The following OPLAH variants were observed in gnomAD, a reference collection of about 807,000 sequenced individuals.
OPLAH encodes the protein 5-oxoprolinase, ATP-hydrolysing.
Under a neutral mutation model 122.8 loss-of-function variants are expected in OPLAH, and 103 were observed. That is an observed-to-expected ratio of 0.84 (90% CI 0.71 to 0.99). OPLAH has a LOEUF of 0.99. OPLAH is among the 50% of genes least tolerant of loss of function. The pLI, the probability that OPLAH is intolerant of heterozygous loss-of-function variation, is 0.00. For missense variants in OPLAH, 1,902 were observed against 1,836.5 expected, an observed-to-expected ratio of 1.04 and a Z score of -0.65; for synonymous variants, 875 against 796.0, an observed-to-expected ratio of 1.10 and a Z score of -1.67.
At chr8:144,060,503 C>T (rs1835641957) in intron 1 of OPLAH, 150 bp downstream of exon 1, 1 of 161,160 alleles carries the variant, frequency 6.2e-6, no homozygotes, top group Non-Finnish European at 1.4e-5. Context: ...GGCCCCGGGA[C>T]AGGACGGAGC....
At position 144,056,176 on chromosome 8, in the gene OPLAH, A is replaced by G. The variant is rs782791153; in HGVS notation, c.2067T>C (p.His689=). 2 of 1,610,662 alleles carry G rather than the reference A, an allele frequency of 1.2e-6. No individual in the cohort carries two copies. Among genetic ancestry groups the G allele is most frequent in the Admixed American group, 3.3e-5 (2 of 59,998 alleles). Residue 689 remains histidine (H), a synonymous_variant, in exon 15 of 27, where the codon CAT becomes CAC. Transcript: ENST00000618853. ...LAELGYGHKL[H]GPCLIIDSNS... is the part of the protein sequence containing the mutation. ...TACTGTCGATGATGAGGCAGGGCCC[A>G]TGGAGCTTGTGCCCATAGCCCAGCT... is the stretch of plus-strand genomic sequence containing the variant.
At position 144,054,975 on chromosome 8, in the gene OPLAH, G is replaced by T. The variant is rs1464272460; in HGVS notation, c.2409+54C>A. 5.5e-5 allele frequency: 59 copies of T among 1,063,832 alleles called. No homozygotes were observed. In the East Asian group the frequency reaches 7.8e-4, roughly 14 times the overall value. The allele number at this position is 1,063,832 out of a possible 1,614,324, so 65.9% of individuals were successfully genotyped here. A position where few individuals can be genotyped will look rare whatever the true frequency, so the allele number is the denominator to read the frequency against. On this transcript the variant is annotated intron_variant, in intron 17 of 26. Coordinates refer to ENST00000618853, the MANE Select transcript of OPLAH (RefSeq NM_017570.5). ...GAGCAGGGGCCAGAGCGGGGTGGGG[G>T]GGGGGTGGAGGGTGAGGGAGGGGGA...
chr8:144,052,521 G>T lies in OPLAH; in HGVS notation c.3231C>A (p.Gly1077=). 1 of 1,584,786 alleles carries T rather than the reference G, an allele frequency of 6.3e-7. No homozygotes were observed. Residue 1077 remains glycine (G), a synonymous_variant, in exon 23 of 27, where the codon GGC becomes GGA. Coordinates refer to ENST00000618853, the MANE Select transcript of OPLAH (RefSeq NM_017570.5). ...CGCGCTGCGACGTGAGCACGTTGCC[G>T]CCCACCACCGCCGCCTCGGGCGACG... The part of the protein sequence containing the change: ...LDPSPEAAVV[G]GNVLTSQRVV...
chr8:144,054,682 G>A lies in OPLAH; in HGVS notation c.2565C>T (p.His855=), dbSNP rs1554758504. 1.9e-6 allele frequency: 3 copies of A among 1,612,484 alleles called. No homozygotes were observed. The highest frequency in any genetic ancestry group is 1.1e-5 in the South Asian group (1 of 91,082). Residue 855 remains histidine, a synonymous_variant, in exon 19 of 27, where the codon CAC becomes CAT. Coordinates refer to ENST00000618853, the MANE Select transcript of OPLAH (RefSeq NM_017570.5). The part of the protein sequence containing the change: ...RPVFYVASRG[H]HADIGGITPG... ...GTGTGATGCCCCCGATGTCTGCGTG[G>A]TGCCCTCGGCTGGCCACATAGAACA...
chr8:144,060,493 G>C (rs1024180777), intron 1 of OPLAH, among the ~76,000 whole-genome samples, 160 bp downstream of exon 1: 3 of 152,210 alleles, frequency 2.0e-5, no homozygotes, highest in Non-Finnish European at 4.4e-5. Flanking sequence ...AAGCCTGGCG[G>C]GCCCCGGGAC....
intron 9 of OPLAH, 69 bp downstream of exon 9, chr8:144,057,787 G>T: frequency 6.2e-7 from 1 of 1,608,566 alleles, no homozygotes; most frequent in South Asian, 1.1e-5. Flanking sequence ...GGATAGGGCT[G>T]ACAGGAGGGG....
In OPLAH at chr8:144,058,141, G is replaced by A. The variant is rs1354605470; in HGVS notation, c.957C>T (p.Ser319=). The A allele has an allele frequency of 6.2e-7, 1 of 1,612,260 alleles. No individual in the cohort carries two copies. Among genetic ancestry groups the A allele is most frequent in the African/African-American group, 1.3e-5 (1 of 74,920 alleles). ...PVIGFDMGGT[S]TDVSRYAGEF... ...CCCCAGCATAGCGGCTCACATCCGT[G>A]GACGTGCCTGGCAGGGGTGGGGTGC... Residue 319 remains serine, a synonymous_variant, in exon 8 of 27, where the codon TCC becomes TCT. Coordinates refer to ENST00000618853, the MANE Select transcript of OPLAH (RefSeq NM_017570.5).
At position 144,058,546 on chromosome 8, in the gene OPLAH, T is replaced by C; in HGVS notation, c.733A>G (p.Ile245Val). Residue 245 changes from isoleucine to valine, a missense_variant, in exon 6 of 27, where the codon ATC becomes GTC. Around this residue, in one of 3 missense-constraint regions of OPLAH, gnomAD observed 1,726 missense variants for 1,642.1 expected, o/e 1.05. Coordinates refer to ENST00000618853, the MANE Select transcript of OPLAH (RefSeq NM_017570.5). Reference sequence around the variant, plus strand: ...CAGAAGCCCTGCACGTAGCGCTGGATGGCGGGCGTGAGGTAGGCGTCGGCA... The same window carrying C: ...CAGAAGCCCTGCACGTAGCGCTGGACGGCGGGCGTGAGGTAGGCGTCGGCA... Reference protein sequence around the residue: ...ACADAYLTPAIQRYVQGFCRG... With the variant: ...ACADAYLTPAVQRYVQGFCRG... 6.3e-7 allele frequency: 1 copy of C among 1,599,502 alleles called. No individual in the cohort carries two copies. Among genetic ancestry groups the C allele is most frequent in the Non-Finnish European group, 8.5e-7 (1 of 1,178,180 alleles).
intron 26 of OPLAH, 32 bp downstream of exon 26, chr8:144,051,697 G>A: frequency 6.6e-7 from 1 of 1,514,014 alleles, no homozygotes; most frequent in Non-Finnish European, 9.0e-7. Flanking sequence ...GGGAGGGGAG[G>A]GGAGGGGGAC....
rs372767256 is a variant in OPLAH, at chr8:144,055,173, G to C, written c.2265C>G (p.Ile755Met). The change falls in exon 17 of 27, where the codon ATC becomes ATG. Residue 755 changes from isoleucine (I) to methionine (M), a missense_variant. Coordinates refer to ENST00000618853, the MANE Select transcript of OPLAH (RefSeq NM_017570.5). This position sits in a 1 kb window ranked among gnomAD's most constrained non-coding sequence, Gnocchi z 6.5. ...FMSIAEQMGR[I>M]LQRTAISTNI... is the part of the protein sequence containing the mutation. ...TGGTGGAGATGGCTGTGCGCTGCAG[G>C]ATGCGGCCCATCTGCTCTAGGAGCA... 3.4e-5 allele frequency: 52 copies of C among 1,545,262 alleles called. No individual in the cohort carries two copies. Among genetic ancestry groups the C allele is most frequent in the Non-Finnish European group, 4.5e-5 (52 of 1,147,680 alleles).
At chr8:144,056,032 G>A (rs1211509627) in intron 15 of OPLAH, 93 bp from the exon 16 acceptor site, 55 of 1,494,174 alleles carry the variant, frequency 3.7e-5, no homozygotes, top group African/African-American at 2.9e-4. Context: ...CCACCCCAAC[G>A]ATGGTGGGAT....
rs782397627 is a variant in OPLAH at position 144,058,159 on chromosome 8, T to G, written c.950-11A>C. The G allele has an allele frequency of 5.0e-6, 8 of 1,611,262 alleles. No individual in the cohort carries two copies. The East Asian group carries it at 1.1e-4, about 22-fold the overall frequency. ...CATCCGTGGACGTGCCTGGCAGGGGTGGGGTGCTGGTGGGTCACTTGAAGA... is the reference window on the plus strand; with the variant it reads ...CATCCGTGGACGTGCCTGGCAGGGGGGGGGTGCTGGTGGGTCACTTGAAGA... On this transcript the variant is annotated splice_polypyrimidine_tract_variant and intron_variant, in intron 7 of 26. Transcript: ENST00000618853.
intron 9 of OPLAH, 51 bp from the exon 10 acceptor site, chr8:144,057,764 G>C: frequency 1.9e-6 from 3 of 1,610,222 alleles, no homozygotes; most frequent in Non-Finnish European, 2.5e-6. Context: ...AGGGGAGCAG[G>C]AGTAGGCAGC....
At chr8:144,052,734 G>T (rs1554757992) in intron 22 of OPLAH, 32 bp downstream of exon 22, 3 of 1,557,690 alleles carry the variant, frequency 1.9e-6, no homozygotes, top group Admixed American at 3.8e-5. Flanking sequence ...CCTCGGGCTG[G>T]GGCCCCCCCT....
chr8:144,050,959 A>C, downstream of OPLAH: 4 of 1,045,588 alleles, frequency 3.8e-6, no homozygotes, highest in Non-Finnish European at 4.6e-6. Flanking sequence ...GAGCAGGAGA[A>C]AGGGCGCCAC....
At position 144,057,105 on chromosome 8, in the gene OPLAH, G is replaced by A; in HGVS notation, c.1549C>T (p.Leu517=). The change falls in exon 12 of 27, where the codon CTG becomes TTG. Residue 517 remains leucine, a synonymous_variant. Transcript: ENST00000618853. ...TVHIHRHSGL[L]SALGLALADV... Reference sequence around the variant, plus strand: ...GCCAGGGCCAGCCCCAGGGCCGACAGCAGCCCACTGTGCCTGCAGGGATGG... The same window carrying A: ...GCCAGGGCCAGCCCCAGGGCCGACAACAGCCCACTGTGCCTGCAGGGATGG... 1.3e-6 allele frequency: 2 copies of A among 1,599,650 alleles called. No individual in the cohort carries two copies. The highest frequency in any genetic ancestry group is 2.3e-5 in the East Asian group (1 of 44,402).
chr8:144,062,491 A>G (rs1835679354), upstream of OPLAH, among the ~76,000 whole-genome samples: 2 of 152,070 alleles, frequency 1.3e-5, no homozygotes, highest in African/African-American at 2.4e-5. Context: ...AGCTCTGGTC[A>G]GCAACCCCAC....
In OPLAH at chr8:144,056,537, G is replaced by A. The variant is rs183546474; in HGVS notation, c.1845-14C>T. 9.6e-5 allele frequency: 155 copies of A among 1,612,140 alleles called. No homozygotes were observed. The East Asian group carries it at 2.7e-3, about 29-fold the overall frequency. ...TCCCTCATGTACCTGCACTCCCCGC[G>A]GGGACCCAAGGAGTGGTCAGAGTGA... On this transcript the variant is annotated splice_polypyrimidine_tract_variant and intron_variant, in intron 13 of 26. Coordinates refer to ENST00000618853, the MANE Select transcript of OPLAH (RefSeq NM_017570.5).
At chr8:144,056,597 C>CG (rs781906947) in intron 13 of OPLAH, 21 bp downstream of exon 13, 136 of 1,612,116 alleles carry the variant, frequency 8.4e-5, no homozygotes, top group Non-Finnish European at 1.1e-4. Context: ...GCCAGGGATC[C>CG]GGAGTCAGGA....
Sources: allele counts gnomAD v4.1 joint callset (sites outside exome capture counted in the v4.1 genomes callset), GRCh38; gene constraint gnomAD v4.1.1; regional missense constraint gnomAD v4.1.1; non-coding constraint Gnocchi (gnomAD v3.1); transcripts MANE v1.5; gene names NCBI Gene and HGNC (gene_info 2026-07-23, HGNC 2026-07-21).